Variants in PCDHA10 observed in about 807,000 individuals in gnomAD.
PCDHA10 encodes protocadherin alpha 10, also known as protocadherin alpha-10.
A neutral mutation model predicts 61.2 loss-of-function variants in PCDHA10; 45 were observed. That is an observed-to-expected ratio of 0.74 (90% confidence interval 0.58 to 0.94). PCDHA10 has a LOEUF of 0.94. PCDHA10 is among the 40% of genes least tolerant of loss of function. The probability of loss-of-function intolerance (pLI) is 0.00; values close to 1 mark genes in which losing one functional copy is unlikely to be tolerated. For synonymous variants in PCDHA10, 602 were observed against 548.8 expected, an observed-to-expected ratio of 1.10 and a Z score of -1.35; for missense variants, 1,278 against 1,236.2, an observed-to-expected ratio of 1.03 and a Z score of -0.51.
chr5:141,004,591 A>G (rs1277305361), intron 3 of PCDHA10, among the ~76,000 whole-genome samples: 3 of 152,222 alleles, frequency 2.0e-5, no homozygotes, highest in Non-Finnish European at 2.9e-5. Context: ...TCTCCAGATG[A>G]CAGTGCTTAG....
intron 3 of PCDHA10, among the ~76,000 whole-genome samples, chr5:140,982,886 G>A (rs1310342145): frequency 1.3e-5 from 2 of 152,114 alleles, no homozygotes; most frequent in Admixed American, 6.6e-5. Flanking sequence ...GCCATGCAGA[G>A]AAGATCTGGT....
intron 1 of PCDHA10, among the ~76,000 whole-genome samples, chr5:140,908,540 G>T (rs1562965244): frequency 6.6e-6 from 1 of 152,150 alleles, no homozygotes; most frequent in African/African-American, 2.4e-5. Flanking sequence ...TTCCACCAAA[G>T]CCCAGTAATA....
rs376600715 is a variant in PCDHA10, at chr5:140,871,207, G to A, written c.2388+12771G>A. The stretch of plus-strand genomic sequence containing the variant: ...GGATGTCAACGTGTACCTGATCATC[G>A]CCATCTGCGTGGTGTCCAGCCTCCT... On this transcript the variant is annotated intron_variant, in intron 1 of 3. Transcript: ENST00000307360. 2.2e-5 allele frequency: 36 copies of A among 1,613,642 alleles called. No individual in the cohort carries two copies. The African/African-American group carries it at 4.0e-4, about 18-fold the overall frequency.
chr5:140,983,076 T>A (rs1390525890), intron 3 of PCDHA10, among the ~76,000 whole-genome samples: 1 of 152,168 alleles, frequency 6.6e-6, no homozygotes, highest in Non-Finnish European at 1.5e-5. Context: ...TTGTTTTGAG[T>A]TCAAGTCAAA....
At chr5:140,915,107 C>T (rs1461317939) in intron 1 of PCDHA10, among the ~76,000 whole-genome samples, 1 of 151,880 alleles carries the variant, frequency 6.6e-6, no homozygotes, top group African/African-American at 2.4e-5. Flanking sequence ...CACCACAACA[C>T]CCACCTAATT....
Position 140,858,072 on chromosome 5 carries a change from C to T in PCDHA10, c.2024C>T (p.Pro675Leu). ...LVSLVEGSQA[P>L]KASSRASVGV... The stretch of plus-strand genomic sequence containing the variant: ...TCGCTTGTGGAGGGCAGCCAGGCAC[C>T]CAAGGCCTCGTCGCGGGCTTCAGTG... Residue 675 changes from proline (P) to leucine (L), a missense_variant, in exon 1 of 4, where the codon CCC (proline) becomes CTC (leucine). Coordinates refer to ENST00000307360, the MANE Select transcript of PCDHA10 (RefSeq NM_018901.4). 1 of 1,597,752 alleles carries T rather than the reference C, an allele frequency of 6.3e-7. No individual in the cohort carries two copies. The highest frequency in any genetic ancestry group is 8.6e-7 in the Non-Finnish European group (1 of 1,167,668).
At chr5:140,941,255 C>CTTTCTTTCTTTCTTTCTCTT (rs782490896) in intron 1 of PCDHA10, among the ~76,000 whole-genome samples, 1 of 44,508 alleles carries the variant, frequency 2.2e-5, no homozygotes, top group Non-Finnish European at 5.1e-5. Context: ...TTCTTTCTTT[C>CTTTCTTTCTTTCTTTCTCTT]TCTTTCTTTC....
rs1026092245 is a variant in PCDHA10 at position 140,987,228 on chromosome 5, T to A, written c.2536+4665T>A. On this transcript the variant is annotated intron_variant, in intron 3 of 3. Transcript: ENST00000307360. The stretch of plus-strand genomic sequence containing the variant: ...GACTCCATCTCAAAAAAAAAAAAAA[T>A]AATAAATAAAGAAAGAAAGACATTC... Among the ~76,000 whole-genome samples, 392 of 149,148 alleles carry A rather than the reference T, an allele frequency of 2.6e-3. 1 individual carries two copies. Among genetic ancestry groups the A allele is most frequent in the African/African-American group, 8.3e-3 (336 of 40,458 alleles).
chr5:140,876,454 C>A, intron 1 of PCDHA10: 2 of 1,613,996 alleles, frequency 1.2e-6, no homozygotes, highest in Non-Finnish European at 1.7e-6. Context: ...TAAAGGGATT[C>A]CTTCCATGGC....
Position 140,965,675 on chromosome 5 carries a change from A to C in PCDHA10, c.2389-13274A>C, listed in dbSNP as rs1049081993. 1.3e-4 allele frequency among the ~76,000 whole-genome samples: 20 copies of C among 152,350 alleles called. No homozygotes were observed. The Middle Eastern group carries it at 0.01, about 78-fold the overall frequency. ...AAATGTCTTGGGTGATAAATGTAAA[A>C]GATTTGAAGCAAGATTAGAAAAAGC... On this transcript the variant is annotated intron_variant, in intron 1 of 3. Transcript: ENST00000307360.
At position 140,856,537 on chromosome 5, in the gene PCDHA10, G is replaced by A; in HGVS notation, c.489G>A (p.Glu163=). The change falls in exon 1 of 4, where the codon GAG becomes GAA. Residue 163 remains glutamate (E), a synonymous_variant. Transcript: ENST00000307360. ...GCGCATCTGATGCGGATGTTGGAGAGAACGCATTGCTTACTTACAAACTCA... is the reference window on the plus strand; with the variant it reads ...GCGCATCTGATGCGGATGTTGGAGAAAACGCATTGCTTACTTACAAACTCA... ...LEGASDADVG[E]NALLTYKLSP... 3 of 1,598,370 alleles carry A rather than the reference G, an allele frequency of 1.9e-6. No homozygotes were observed. Among genetic ancestry groups the A allele is most frequent in the Non-Finnish European group, 1.7e-6 (2 of 1,167,826 alleles).
At chr5:140,960,303 C>G (rs2095539243) in intron 1 of PCDHA10, among the ~76,000 whole-genome samples, 1 of 152,132 alleles carries the variant, frequency 6.6e-6, no homozygotes, top group African/African-American at 2.4e-5. Context: ...TTCATCAATA[C>G]CAACCTCATT....
chr5:140,858,284 T>C lies in PCDHA10; in HGVS notation c.2236T>C (p.Trp746Arg). ...TLVCSSAVGS[W>R]SYSQQRRQRV... ...GGTGTGCTCTAGCGCGGTGGGGAGC[T>C]GGTCTTACTCGCAGCAGAGGCGGCA... Residue 746 changes from tryptophan to arginine, a missense_variant, in exon 1 of 4, where the codon TGG becomes CGG. Transcript: ENST00000307360. 6.3e-7 allele frequency: 1 copy of C among 1,596,754 alleles called. No individual in the cohort carries two copies. The highest frequency in any genetic ancestry group is 1.1e-5 in the South Asian group (1 of 90,464).
At chr5:140,936,367 A>C (rs1347774517) in intron 1 of PCDHA10, among the ~76,000 whole-genome samples, 2 of 152,230 alleles carry the variant, frequency 1.3e-5, no homozygotes, top group East Asian at 1.9e-4. Flanking sequence ...GCTACTGAGC[A>C]CTTGAAATGT....
intron 1 of PCDHA10, among the ~76,000 whole-genome samples, chr5:140,955,756 A>G (rs987029779): frequency 2.6e-5 from 4 of 152,182 alleles, no homozygotes; most frequent in African/African-American, 9.7e-5. Flanking sequence ...TATTGCCATA[A>G]CACTGATTCT....
intron 1 of PCDHA10, chr5:140,882,678 A>G: frequency 6.2e-7 from 1 of 1,614,250 alleles, no homozygotes; most frequent in East Asian, 2.2e-5. Flanking sequence ...CCTGAAAGCA[A>G]GAAACGAATA....
intron 1 of PCDHA10, among the ~76,000 whole-genome samples, chr5:140,964,683 G>T (rs2095848322): frequency 6.6e-6 from 1 of 151,914 alleles, no homozygotes; most frequent in South Asian, 2.1e-4. Flanking sequence ...CACAATTTGT[G>T]CACTTGAGAG....
chr5:140,903,431 A>G (rs1431018780), intron 1 of PCDHA10, among the ~76,000 whole-genome samples: 3 of 152,242 alleles, frequency 2.0e-5, no homozygotes, highest in South Asian at 2.1e-4. Context: ...CACAATATGT[A>G]TCAGTGGAAT....
At chr5:140,898,930 G>A (rs2067050521) in intron 1 of PCDHA10, among the ~76,000 whole-genome samples, 1 of 152,054 alleles carries the variant, frequency 6.6e-6, no homozygotes, top group African/African-American at 2.4e-5. Context: ...GGATTCCTAA[G>A]TATTTTATTC....
Sources: allele counts gnomAD v4.1 joint callset (sites outside exome capture counted in the v4.1 genomes callset), GRCh38; gene constraint gnomAD v4.1.1; transcripts MANE v1.5; gene names NCBI Gene and HGNC (gene_info 2026-07-23, HGNC 2026-07-21).